PRELID2: variants seen among roughly 807,000 people sequenced by gnomAD.
PRELID2 encodes PRELI domain containing 2, also known as PRELI domain-containing protein 2.
PRELID2 carries 25 observed loss-of-function variants against 28.4 expected under a neutral mutation model. That is an observed-to-expected ratio of 0.88 (90% CI 0.64 to 1.23). The LOEUF (loss-of-function observed/expected upper bound fraction) is 1.23. PRELID2 is among the 50% of genes most tolerant of loss of function. The pLI is 0.00. For missense variants in PRELID2, 201 were observed against 214.4 expected (o/e 0.94, Z 0.39); for synonymous variants, 76 against 71.6 (o/e 1.06, Z -0.31).
At chr5:145,607,740 T>C (rs1217417792) in intron 1 of PRELID2, among the ~76,000 whole-genome samples, 1 of 152,166 alleles carries the variant, frequency 6.6e-6, no homozygotes. Flanking sequence ...TAGAGAATTA[T>C]GTATATGTCT....
the PRELID2 span, among the ~76,000 whole-genome samples, chr5:145,350,991 G>T: frequency 8.5e-5 from 13 of 152,162 alleles, no homozygotes; most frequent in Non-Finnish European, 1.5e-4. Context: ...ATATAAGCCA[G>T]TCAATGAGAT....
At chr5:145,540,081 T>C (rs553588586) in intron 1 of PRELID2, among the ~76,000 whole-genome samples, 3 of 152,074 alleles carry the variant, frequency 2.0e-5, no homozygotes, top group East Asian at 1.9e-4. Context: ...TTCTCTTTGA[T>C]TGCACTGTGC....
At chr5:145,569,188 T>C (rs1406941516) in intron 1 of PRELID2, among the ~76,000 whole-genome samples, 2 of 152,164 alleles carry the variant, frequency 1.3e-5, no homozygotes, top group Non-Finnish European at 2.9e-5. Context: ...TTAAATAAAA[T>C]TCAAAATAGA....
At chr5:145,697,045 A>C (rs1425841355) in intron 1 of PRELID2, among the ~76,000 whole-genome samples, 2 of 106,484 alleles carry the variant, frequency 1.9e-5, no homozygotes, top group African/African-American at 9.8e-5. Context: ...ATATATATAT[A>C]TATATATATA....
intron 1 of PRELID2, among the ~76,000 whole-genome samples, chr5:145,634,695 T>A (rs1433775012): frequency 6.6e-6 from 1 of 152,148 alleles, no homozygotes; most frequent in East Asian, 1.9e-4. Context: ...TAGAATCACT[T>A]ATGTAATAGT....
At chr5:145,315,026 AT>A in the PRELID2 span, among the ~76,000 whole-genome samples, 1 of 146,442 alleles carries the variant, frequency 6.8e-6, no homozygotes, top group Non-Finnish European at 1.5e-5. Context: ...GTAGCTGCCT[AT>A]TAAATTGTTA....
chr5:145,311,300 G>A, the PRELID2 span, among the ~76,000 whole-genome samples: 10 of 151,900 alleles, frequency 6.6e-5, no homozygotes, highest in South Asian at 2.1e-4. Flanking sequence ...GTTGATAAGC[G>A]TGACACCAGA....
In PRELID2 at chr5:145,524,807, G is replaced by A. The variant is rs563718067; in HGVS notation, n.71-51492C>T. 3.9e-5 allele frequency among the ~76,000 whole-genome samples: 6 copies of A among 152,242 alleles called. No individual in the cohort carries two copies. In the East Asian group the frequency reaches 5.8e-4, roughly 15 times the overall value. The stretch of plus-strand genomic sequence containing the variant: ...TTGAGCAGCAATTCTCCTTCTGGAC[G>A]GCTGTGGAACAAGGTGGCTGTGAGC... On this transcript the variant is annotated intron_variant and non_coding_transcript_variant, in intron 1 of 2. Coordinates refer to the PRELID2 transcript ENST00000510259.
chr5:145,231,207 A>G, the PRELID2 span, among the ~76,000 whole-genome samples: 2 of 151,734 alleles, frequency 1.3e-5, no homozygotes, highest in African/African-American at 4.8e-5. Flanking sequence ...CCTAAAGATG[A>G]TCCACTCTTT....
chr5:145,362,417 A>G, the PRELID2 span, among the ~76,000 whole-genome samples: 15 of 152,088 alleles, frequency 9.9e-5, no homozygotes, highest in Admixed American at 1.3e-4. Flanking sequence ...TCATGCTCAT[A>G]CCACCATCAC....
chr5:145,657,609 C>T (rs1016009184), intron 1 of PRELID2, among the ~76,000 whole-genome samples: 12 of 152,016 alleles, frequency 7.9e-5, no homozygotes, highest in Non-Finnish European at 1.0e-4. Context: ...TGCTTGAACC[C>T]GGGAGACAGA....
At chr5:145,797,837 C>T (rs572894773) in intron 4 of PRELID2, among the ~76,000 whole-genome samples, 1 of 151,754 alleles carries the variant, frequency 6.6e-6, no homozygotes, top group African/African-American at 2.4e-5. Context: ...GGAAACATGG[C>T]CCAATCAAAG....
At chr5:145,463,081 A>C in the PRELID2 span, among the ~76,000 whole-genome samples, 1 of 152,152 alleles carries the variant, frequency 6.6e-6, no homozygotes, top group Admixed American at 6.5e-5. Context: ...AACTGAACAT[A>C]AAATGATTGT....
the PRELID2 span, among the ~76,000 whole-genome samples, chr5:145,268,190 A>C: frequency 6.6e-6 from 1 of 152,068 alleles, no homozygotes; most frequent in Non-Finnish European, 1.5e-5. Flanking sequence ...GTACTTGTAG[A>C]GTATTACTCA....
At chr5:145,820,455 T>A (rs972425154) in intron 2 of PRELID2, among the ~76,000 whole-genome samples, 1 of 152,070 alleles carries the variant, frequency 6.6e-6, no homozygotes, top group Non-Finnish European at 1.5e-5. Flanking sequence ...AGTACTCCAA[T>A]GACGATGACC....
chr5:145,357,287 A>AT, the PRELID2 span, among the ~76,000 whole-genome samples: 2 of 152,182 alleles, frequency 1.3e-5, no homozygotes, highest in East Asian at 3.8e-4. Context: ...TGTCCTCTCT[A>AT]GTGAGGTTAA....
In PRELID2 at chr5:145,834,880, C is replaced by T. The variant is rs74985941; in HGVS notation, c.75+297G>A. ...TGATGAACCGGAAAGCTCCACACGT[C>T]GGTCATCTGCAACTCCACGGAGCTC... is the stretch of plus-strand genomic sequence containing the variant. On this transcript the variant is annotated intron_variant, in intron 1 of 6. Transcript: ENST00000683046. The T allele has an allele frequency of 1.5e-5, 5 of 340,932 alleles. No individual in the cohort carries two copies. The East Asian group carries it at 1.5e-4, about 10-fold the overall frequency. 21.1% of individuals were successfully genotyped at this position (340,932 alleles called of 1,614,324 possible). A position where few individuals can be genotyped will look rare whatever the true frequency, so the allele number is the denominator to read the frequency against.
In PRELID2 at chr5:145,826,261, ACAAGCAGG is replaced by A. The variant is rs1755187579; in HGVS notation, c.76-3135_76-3128del. ...AAATATAATAGTGTAAAGCCCGCAG[ACAAGCAGG>A]TTCACATGGGATTCTTCAATCCCCA... On this transcript the variant is annotated intron_variant, in intron 1 of 6. Transcript: ENST00000683046. 9.9e-6 allele frequency: 8 copies of A among 808,424 alleles called. No individual in the cohort carries two copies. The South Asian group carries it at 4.5e-4, about 45-fold the overall frequency. The allele number at this position is 808,424 out of a possible 1,614,324, so 50.1% of individuals were successfully genotyped here.
At chr5:145,325,536 T>C in the PRELID2 span, among the ~76,000 whole-genome samples, 2 of 152,212 alleles carry the variant, frequency 1.3e-5, no homozygotes, top group African/African-American at 4.8e-5. Context: ...TTCATATCTA[T>C]GCACTATTTT....
Sources: allele counts gnomAD v4.1 joint callset (sites outside exome capture counted in the v4.1 genomes callset), GRCh38; gene constraint gnomAD v4.1.1; transcripts MANE v1.5; gene names NCBI Gene and HGNC (gene_info 2026-07-23, HGNC 2026-07-21).